Variants in STIM2 observed in about 807,000 individuals in gnomAD.
STIM2 encodes the protein stromal interaction molecule 2.
In STIM2, 31 loss-of-function variants were observed where a neutral mutation model predicts 85.8. The observed-to-expected ratio is 0.36, with a 90% CI of 0.27 to 0.49. The LOEUF (loss-of-function observed/expected upper bound fraction) is 0.49, where lower values mean the gene tolerates loss of function less well. Ranked by LOEUF, STIM2 falls within the 20% of genes least tolerant of loss-of-function variation. The pLI is 0.98. For synonymous variants in STIM2, 356 were observed against 331.1 expected (o/e 1.08, Z -0.82); for missense variants, 841 against 927.6 (o/e 0.91, Z 1.21).
chr4:27,020,518 AT>A (rs1728873963), intron 11 of STIM2, among the ~76,000 whole-genome samples: 1 of 152,210 alleles, frequency 6.6e-6, no homozygotes, highest in Non-Finnish European at 1.5e-5. Flanking sequence ...TTAGGTCGTT[AT>A]TTAGGGGATT....
intron 1 of STIM2, among the ~76,000 whole-genome samples, chr4:26,898,000 A>G (rs1723774347): frequency 6.6e-6 from 1 of 152,180 alleles, no homozygotes; most frequent in Non-Finnish European, 1.5e-5. Context: ...TTCTTGGGCT[A>G]AAGCTGTCTG....
intron 1 of STIM2, among the ~76,000 whole-genome samples, chr4:26,878,242 C>T (rs546572201): frequency 5.3e-5 from 8 of 152,116 alleles, no homozygotes; most frequent in African/African-American, 1.2e-4. Context: ...AGGTAGGGCT[C>T]GTAAGCCTGA....
At chr4:27,020,728 G>A (rs1338340263) in intron 11 of STIM2, among the ~76,000 whole-genome samples, 1 of 152,122 alleles carries the variant, frequency 6.6e-6, no homozygotes, top group Non-Finnish European at 1.5e-5. Context: ...TTAATCATAG[G>A]CCATCTAAGG....
At chr4:26,871,631 C>A (rs1451516547) in intron 1 of STIM2, among the ~76,000 whole-genome samples, 1 of 151,030 alleles carries the variant, frequency 6.6e-6, no homozygotes, top group Admixed American at 6.6e-5. Flanking sequence ...ACAAGGATGA[C>A]GGAATGTAAT....
chr4:27,023,156 T>TAGACAGTCACAACAGTAG lies in STIM2; in HGVS notation c.*161_*162insGACAGTCACAACAGTAGA. On this transcript the variant is annotated 3_prime_UTR_variant, in exon 12 of 12. Coordinates refer to ENST00000467087, the MANE Select transcript of STIM2 (RefSeq NM_020860.4). ...TGGAACATCCAGAAGGGCAACTGTC[T>TAGACAGTCACAACAGTAG]ACTGTCTGCTTATTTAAGTGACTAT... is the stretch of plus-strand genomic sequence containing the variant. The TAGACAGTCACAACAGTAG allele has an allele frequency of 1.5e-6, 1 of 674,778 alleles. No individual in the cohort carries two copies. The highest frequency in any genetic ancestry group is 2.6e-6 in the Non-Finnish European group (1 of 389,000). The allele number at this position is 674,778 out of a possible 1,614,324, so 41.8% of individuals were successfully genotyped here.
At chr4:26,904,397 G>C (rs893842446) in intron 1 of STIM2, among the ~76,000 whole-genome samples, 2 of 152,092 alleles carry the variant, frequency 1.3e-5, no homozygotes, top group African/African-American at 4.8e-5. Context: ...ATTCCCAAAA[G>C]TTTTCTCATG....
intron 9 of STIM2, 21 bp from the exon 10 acceptor site, chr4:27,008,742 AT>A: frequency 1.9e-6 from 3 of 1,611,976 alleles, no homozygotes; most frequent in Non-Finnish European, 2.5e-6. Flanking sequence ...GCAGTAAGTA[AT>A]TTCTTTATTG....
chr4:27,002,434 T>C, intron 6 of STIM2, 40 bp downstream of exon 6: 1 of 1,513,996 alleles, frequency 6.6e-7, no homozygotes. Flanking sequence ...TGTAGGCAAA[T>C]ACAATTTGTA....
chr4:26,934,752 C>G (rs186132098), intron 2 of STIM2, among the ~76,000 whole-genome samples: 13 of 151,866 alleles, frequency 8.6e-5, no homozygotes, highest in Non-Finnish European at 1.6e-4. Context: ...TGTCTCTACA[C>G]AAAATACAAA....
chr4:27,007,554 G>T lies in STIM2; in HGVS notation c.1003G>T (p.Ala335Ser). 1.3e-6 allele frequency: 2 copies of T among 1,563,278 alleles called. No homozygotes were observed. Among genetic ancestry groups the T allele is most frequent in the Non-Finnish European group, 1.7e-6 (2 of 1,154,690 alleles). Reference sequence around the variant, plus strand: ...CTAGGTTCGCATGGCTCTGAAAAAGGCCGAAAAAGAATTTGAACTGAGAAG... The same window carrying T: ...CTAGGTTCGCATGGCTCTGAAAAAGTCCGAAAAAGAATTTGAACTGAGAAG... The change falls in exon 8 of 12, where the codon GCC becomes TCC. Residue 335 changes from alanine to serine, a missense_variant. Physicochemically the swap from Ala to Ser is moderately conservative, Grantham distance 99. This residue lies in a region of STIM2 where 408 missense variants were observed against 525.4 expected (regional missense o/e 0.78). Coordinates refer to ENST00000467087, the MANE Select transcript of STIM2 (RefSeq NM_020860.4).
chr4:26,971,485 A>G (rs1021633103), intron 3 of STIM2, among the ~76,000 whole-genome samples: 3 of 152,228 alleles, frequency 2.0e-5, no homozygotes. Context: ...TCCCAGCACC[A>G]TGTATTAAAT....
At chr4:26,970,828 A>C (rs1726920017) in intron 3 of STIM2, among the ~76,000 whole-genome samples, 1 of 152,214 alleles carries the variant, frequency 6.6e-6, no homozygotes, top group Non-Finnish European at 1.5e-5. Flanking sequence ...ACTGTCTTCC[A>C]CAATGGTTGA....
intron 1 of STIM2, among the ~76,000 whole-genome samples, chr4:26,871,741 G>A (rs1428974758): frequency 7.0e-6 from 1 of 142,822 alleles, no homozygotes; most frequent in East Asian, 2.1e-4. Context: ...CAGAGTCTGA[G>A]TATGTTGCCC....
At chr4:27,008,652 ATTTC>A in intron 9 of STIM2, 108 bp from the exon 10 acceptor site, 1 of 1,197,092 alleles carries the variant, frequency 8.4e-7, no homozygotes, top group African/African-American at 1.5e-5. Flanking sequence ...AGAGTGGGTT[ATTTC>A]TTCTTGAAAT....
intron 3 of STIM2, among the ~76,000 whole-genome samples, chr4:26,958,194 C>T (rs1337370597): frequency 1.3e-5 from 2 of 151,912 alleles, no homozygotes; most frequent in East Asian, 1.9e-4. Context: ...ATTTTATTCC[C>T]TTTCTACTGT....
intron 1 of STIM2, among the ~76,000 whole-genome samples, chr4:26,891,420 T>A (rs1373753096): frequency 2.6e-5 from 4 of 152,176 alleles, no homozygotes; most frequent in Non-Finnish European, 2.9e-5. Flanking sequence ...CATAAACTCT[T>A]GCCTGCACTA....
intron 1 of STIM2, among the ~76,000 whole-genome samples, chr4:26,901,112 A>G (rs1263492683): frequency 6.6e-6 from 1 of 152,138 alleles, no homozygotes; most frequent in Non-Finnish European, 1.5e-5. Context: ...AGGACATGCT[A>G]CAAGGAGGGG....
chr4:26,941,656 T>C (rs1031350790), intron 2 of STIM2, among the ~76,000 whole-genome samples: 3 of 151,334 alleles, frequency 2.0e-5, no homozygotes, highest in Admixed American at 6.6e-5. Context: ...TTAAAAATTA[T>C]ACTATGTAGC....
rs1039984980 is a variant in STIM2 at position 27,023,286 on chromosome 4, A to G, written c.*290A>G. Reference sequence around the variant, plus strand: ...TTCTGCTTTGTTCTCAGTGATGTATATGCAACATTTTGTTGAAAGCCACGA... The same window carrying G: ...TTCTGCTTTGTTCTCAGTGATGTATGTGCAACATTTTGTTGAAAGCCACGA... On this transcript the variant is annotated 3_prime_UTR_variant, in exon 12 of 12. Coordinates refer to ENST00000467087, the MANE Select transcript of STIM2 (RefSeq NM_020860.4). 1 of 333,128 alleles carries G rather than the reference A, an allele frequency of 3.0e-6. No individual in the cohort carries two copies. 20.6% of individuals were successfully genotyped at this position (333,128 alleles called of 1,614,324 possible).
Sources: gnomAD v4.1 joint callset for allele counts (sites outside exome capture counted in the v4.1 genomes callset) on GRCh38, gnomAD v4.1.1 for gene constraint, gnomAD v4.1.1 regional missense constraint, MANE v1.5 for transcripts, NCBI Gene and HGNC (gene_info 2026-07-23, HGNC 2026-07-21) for gene names.